The following HHIPL1 variants were observed in gnomAD, a reference collection of about 807,000 sequenced individuals.
The protein encoded by HHIPL1 is HHIP-like protein 1.
HHIPL1 carries 43 observed loss-of-function variants against 61.8 expected under a neutral mutation model. The ratio of observed to expected loss-of-function variants is 0.70; its 90% confidence interval spans 0.55 to 0.90. HHIPL1 has a LOEUF of 0.90. HHIPL1 is among the 40% of genes least tolerant of loss of function. HHIPL1 has a pLI of 0.00. For synonymous variants in HHIPL1, 482 were observed against 515.8 expected, an observed-to-expected ratio of 0.93 and a Z score of 0.89; for missense variants, 1,056 against 1,157.7, an observed-to-expected ratio of 0.91 and a Z score of 1.28.
Position 99,668,370 on chromosome 14 carries a change from T to C in HHIPL1, c.1730+67T>C. On this transcript the variant is annotated intron_variant, in intron 7 of 8. Transcript: ENST00000330710. The surrounding 1 kb of genome is among the most constrained non-coding windows in gnomAD (Gnocchi z 4.7). ...CAGGCCTCTTAGCTCCACGGGCTTG[T>C]CCCCTCCGCCTCGCCCTCAGGTGGG... 1 of 959,100 alleles carries C rather than the reference T, an allele frequency of 1.0e-6. No homozygotes were observed. Among genetic ancestry groups the C allele is most frequent in the Non-Finnish European group, 1.7e-6 (1 of 585,820 alleles). The allele number at this position is 959,100 out of a possible 1,614,324, so 59.4% of individuals were successfully genotyped here. A position where few individuals can be genotyped will look rare whatever the true frequency, so the allele number is the denominator to read the frequency against.
chr14:99,668,362 C>G lies in HHIPL1; in HGVS notation c.1730+59C>G, dbSNP rs114484543. The G allele has an allele frequency of 1.8e-5, 18 of 1,018,360 alleles. No individual in the cohort carries two copies. The highest frequency in any genetic ancestry group is 2.5e-5 in the Non-Finnish European group (16 of 638,750). 63.1% of individuals were successfully genotyped at this position (1,018,360 alleles called of 1,614,324 possible). ...CTGTCTGTCAGGCCTCTTAGCTCCA[C>G]GGGCTTGTCCCCTCCGCCTCGCCCT... On this transcript the variant is annotated intron_variant, in intron 7 of 8. Transcript: ENST00000330710. This position sits in a 1 kb window ranked among gnomAD's most constrained non-coding sequence, Gnocchi z 4.7.
the HHIPL1 span, among the ~76,000 whole-genome samples, chr14:99,637,187 T>A: frequency 0.02 from 672 of 33,192 alleles, 6 homozygotes; most frequent in East Asian, 0.055. Context: ...AAAGAAAGAA[T>A]GGAAGAAAGA....
the HHIPL1 span, among the ~76,000 whole-genome samples, chr14:99,618,549 G>A: frequency 6.6e-6 from 1 of 152,238 alleles, no homozygotes; most frequent in African/African-American, 2.4e-5. Context: ...TGTCCCTAAA[G>A]TCTACCTCTC....
At chr14:99,635,692 T>C in the HHIPL1 span, among the ~76,000 whole-genome samples, 4 of 152,208 alleles carry the variant, frequency 2.6e-5, no homozygotes, top group East Asian at 7.8e-4. Flanking sequence ...TGCAAGAGGC[T>C]GCACGCAGGC....
rs201049675 is a variant in HHIPL1 at position 99,651,254 on chromosome 14, C to CA, written c.256-963dup. On this transcript the variant is annotated intron_variant, in intron 1 of 8. Transcript: ENST00000330710. ...ACAGAGAGAAAGAGAGACCCTGTCT[C>CA]AAAAAAACTAACGGACAAACACAAA... is the stretch of plus-strand genomic sequence containing the variant. Among the ~76,000 whole-genome samples the CA allele has an allele frequency of 4.4e-3, 672 of 151,328 alleles. 6 individuals carry two copies. The highest frequency in any genetic ancestry group is 0.015 in the African/African-American group (619 of 41,218).
the HHIPL1 span, among the ~76,000 whole-genome samples, chr14:99,626,264 CGG>C: frequency 2.0e-3 from 302 of 149,366 alleles, 2 homozygotes; most frequent in Middle Eastern, 7.1e-3. Flanking sequence ...GTGGGTGTAG[CGG>C]GGTGTGTGTG....
At chr14:99,650,909 T>C (rs922154883) in intron 1 of HHIPL1, among the ~76,000 whole-genome samples, 1 of 152,110 alleles carries the variant, frequency 6.6e-6, no homozygotes, top group African/African-American at 2.4e-5. Context: ...GGCTCAGAGG[T>C]GTGAAATGGC....
chr14:99,672,977 C>A lies in HHIPL1; in HGVS notation c.1813+578C>A, dbSNP rs552906208. Among the ~76,000 whole-genome samples, 249 of 152,336 alleles carry A rather than the reference C, an allele frequency of 1.6e-3. 1 individual carries two copies. The highest frequency in any genetic ancestry group is 5.6e-3 in the African/African-American group (234 of 41,576). The stretch of plus-strand genomic sequence containing the variant: ...TCATTCACCACGGACACGTGCCCTG[C>A]CCTGGGGATACAGCACACGGCGAGA... On this transcript the variant is annotated intron_variant, in intron 8 of 8. Coordinates refer to ENST00000330710, the MANE Select transcript of HHIPL1 (RefSeq NM_001127258.3).
Position 99,677,963 on chromosome 14 carries a change from T to C in HHIPL1, c.*2337T>C, listed in dbSNP as rs1346771507. The C allele has an allele frequency of 6.6e-6, 1 of 152,136 alleles. No individual in the cohort carries two copies. Among genetic ancestry groups the C allele is most frequent in the African/African-American group, 2.4e-5 (1 of 41,426 alleles). 9.4% of individuals were successfully genotyped at this position (152,136 alleles called of 1,614,324 possible). A position where few individuals can be genotyped will look rare whatever the true frequency, so the allele number is the denominator to read the frequency against. On this transcript the variant is annotated 3_prime_UTR_variant, in exon 9 of 9. Transcript: ENST00000330710. This position sits in a 1 kb window ranked among gnomAD's most constrained non-coding sequence, Gnocchi z 4.3. ...TCCCCAGGTCAGTGGTCCCCAACCT[T>C]TTTGGCATCATGGACTGGTTTCATG...
At chr14:99,622,439 A>G in the HHIPL1 span, among the ~76,000 whole-genome samples, 36 of 152,266 alleles carry the variant, frequency 2.4e-4, no homozygotes, top group Non-Finnish European at 4.9e-4. Context: ...CAGCATGAAG[A>G]GCTTGCTCCC....
At chr14:99,648,942 C>T (rs8020676) in intron 1 of HHIPL1, among the ~76,000 whole-genome samples, 148,652 of 152,264 alleles carry the variant, frequency 0.98, 72,665 homozygotes, top group Middle Eastern at 1. Flanking sequence ...AGATGGGGGC[C>T]CTCCGCCCTG....
At chr14:99,608,123 G>A in the HHIPL1 span, among the ~76,000 whole-genome samples, 3 of 152,038 alleles carry the variant, frequency 2.0e-5, no homozygotes, top group African/African-American at 4.8e-5. Context: ...GTGAGCAGGC[G>A]AGGGGTGTGG....
chr14:99,660,137 TGCTGTGGG>T lies in HHIPL1; in HGVS notation c.1376-142_1376-135del. 2 of 673,388 alleles carry T rather than the reference TGCTGTGGG, an allele frequency of 3.0e-6. No homozygotes were observed. The highest frequency in any genetic ancestry group is 2.6e-5 in the South Asian group (1 of 38,754). The allele number at this position is 673,388 out of a possible 1,614,324, so 41.7% of individuals were successfully genotyped here. On this transcript the variant is annotated intron_variant, in intron 4 of 8. Transcript: ENST00000330710. The surrounding 1 kb of genome is among the most constrained non-coding windows in gnomAD (Gnocchi z 4.9). Reference sequence around the variant, plus strand: ...GACACGCTTTCCACCACGCCAGCCCTGCTGTGGGCACGCCAGCCCTGCTGTGGGCACGC... The same window carrying T: ...GACACGCTTTCCACCACGCCAGCCCTCACGCCAGCCCTGCTGTGGGCACGC...
the HHIPL1 span, among the ~76,000 whole-genome samples, chr14:99,623,646 T>A: frequency 6.6e-6 from 1 of 152,150 alleles, no homozygotes; most frequent in African/African-American, 2.4e-5. Flanking sequence ...AATCCTGGTC[T>A]CAAGCAACCC....
chr14:99,671,668 A>C (rs1206011157), intron 7 of HHIPL1, among the ~76,000 whole-genome samples: 1 of 152,140 alleles, frequency 6.6e-6, no homozygotes, highest in Admixed American at 6.5e-5. Flanking sequence ...TGCCCTTAAA[A>C]ATGTCAAAGG....
chr14:99,658,447 G>A (rs942747955), intron 3 of HHIPL1, among the ~76,000 whole-genome samples: 4 of 152,096 alleles, frequency 2.6e-5, no homozygotes, highest in Non-Finnish European at 5.9e-5. Context: ...TTTCATCACC[G>A]TGAAAGAGGA....
chr14:99,644,743 C>A (rs890533008), upstream of HHIPL1, among the ~76,000 whole-genome samples: 2 of 152,146 alleles, frequency 1.3e-5, no homozygotes, highest in Non-Finnish European at 1.5e-5. Context: ...TGGGGCAACA[C>A]CCCCTGTTCT....
chr14:99,604,761 G>T, the HHIPL1 span: 1 of 152,276 alleles, frequency 6.6e-6, no homozygotes, highest in Non-Finnish European at 1.5e-5. Context: ...CCCACGATCC[G>T]GGCGACGGCG....
At chr14:99,641,011 C>T (rs1385155191), upstream of HHIPL1, among the ~76,000 whole-genome samples, 2 of 151,454 alleles carry the variant, frequency 1.3e-5, no homozygotes, top group Non-Finnish European at 2.9e-5. Context: ...CTCAGCCTCC[C>T]CAGTAGCTGG....
Sources: allele counts gnomAD v4.1 joint callset (sites outside exome capture counted in the v4.1 genomes callset), GRCh38; gene constraint gnomAD v4.1.1; non-coding constraint Gnocchi (gnomAD v3.1); transcripts MANE v1.5; gene names NCBI Gene and HGNC (gene_info 2026-07-23, HGNC 2026-07-21).